Variants in CD96 observed in about 807,000 individuals in gnomAD.
CD96 encodes T-cell surface protein tactile.
A neutral mutation model predicts 71.3 loss-of-function variants in CD96; 70 were observed. That is an observed-to-expected ratio of 0.98 (90% CI 0.81 to 1.20). The LOEUF (loss-of-function observed/expected upper bound fraction) is 1.20, where lower values mean the gene tolerates loss of function less well. Ranked by LOEUF, CD96 falls within the 50% of genes most tolerant of loss-of-function variation. The pLI is 0.00. For missense variants in CD96, 742 were observed against 677.5 expected, an observed-to-expected ratio of 1.10 and a Z score of -1.06; for synonymous variants, 248 against 233.0, an observed-to-expected ratio of 1.06 and a Z score of -0.59.
chr3:111,646,166 A>T (rs2107782815), intron 12 of CD96, among the ~76,000 whole-genome samples: 1 of 152,280 alleles, frequency 6.6e-6, no homozygotes, highest in African/African-American at 2.4e-5. Context: ...TATCATGTAT[A>T]AGAAATTTCA....
At chr3:111,614,331 G>A (rs1374553642) in intron 8 of CD96, among the ~76,000 whole-genome samples, 1 of 152,128 alleles carries the variant, frequency 6.6e-6, no homozygotes, top group African/African-American at 2.4e-5. Flanking sequence ...ATGGGGAATG[G>A]CGTAAGAAGA....
intron 3 of CD96, chr3:111,571,115 G>T (rs918734474): frequency 1.4e-6 from 1 of 732,832 alleles, no homozygotes; most frequent in African/African-American, 1.8e-5. Flanking sequence ...CTGAATCCAG[G>T]GTTACAGCAC....
intron 5 of CD96, among the ~76,000 whole-genome samples, chr3:111,591,179 C>A (rs368738195): frequency 1.3e-5 from 2 of 152,028 alleles, no homozygotes; most frequent in African/African-American, 4.8e-5. Flanking sequence ...TCCAGACCAT[C>A]CTGGCCAACG....
chr3:111,645,455 A>C (rs545964962), intron 12 of CD96, among the ~76,000 whole-genome samples: 3 of 152,238 alleles, frequency 2.0e-5, no homozygotes, highest in Middle Eastern at 3.4e-3. Context: ...CCATAATCTC[A>C]CAAATCACCA....
chr3:111,553,648 T>C (rs763854258), intron 2 of CD96, among the ~76,000 whole-genome samples: 4 of 151,912 alleles, frequency 2.6e-5, no homozygotes, highest in Admixed American at 2.0e-4. Context: ...AACTTATTAT[T>C]TATTTGATGT....
chr3:111,572,391 A>T (rs995585549), intron 3 of CD96, among the ~76,000 whole-genome samples: 1 of 152,186 alleles, frequency 6.6e-6, no homozygotes. Flanking sequence ...TCAAAAACAA[A>T]CTGGTGCCAC....
intron 5 of CD96, among the ~76,000 whole-genome samples, chr3:111,587,323 G>C (rs905584932): frequency 2.0e-5 from 3 of 152,144 alleles, no homozygotes; most frequent in Non-Finnish European, 1.5e-5. Flanking sequence ...AGTGCAAGCT[G>C]TTGGTGGATC....
chr3:111,650,241 C>T lies in CD96; in HGVS notation c.*435C>T, dbSNP rs73230153. The T allele has an allele frequency of 0.092, 16,690 of 180,778 alleles. 1,083 individuals are homozygous for T. The highest frequency in any genetic ancestry group is 0.13 in the Non-Finnish European group (11,164 of 83,040). 11.2% of individuals were successfully genotyped at this position (180,778 alleles called of 1,614,324 possible). A position where few individuals can be genotyped will look rare whatever the true frequency, so the allele number is the denominator to read the frequency against. ...TTTGCTGCATTCCCTAAGATAATTACAGGAAAAAGAAAATGTAAAAGTGCT... is the reference window on the plus strand; with the variant it reads ...TTTGCTGCATTCCCTAAGATAATTATAGGAAAAAGAAAATGTAAAAGTGCT... On this transcript the variant is annotated 3_prime_UTR_variant, in exon 14 of 14. Coordinates refer to ENST00000352690, the MANE Select transcript of CD96 (RefSeq NM_005816.5).
intron 8 of CD96, among the ~76,000 whole-genome samples, chr3:111,619,055 C>T (rs1425644586): frequency 1.3e-5 from 2 of 152,146 alleles, no homozygotes; most frequent in Non-Finnish European, 2.9e-5. Context: ...TCTAGCCTTC[C>T]TCTACCTTTC....
intron 12 of CD96, among the ~76,000 whole-genome samples, chr3:111,641,245 C>T (rs892229228): frequency 2.6e-5 from 4 of 152,156 alleles, no homozygotes; most frequent in African/African-American, 4.8e-5. Context: ...TTGCTGCCTT[C>T]GGGAGACTCA....
At chr3:111,615,478 C>A (rs1681459133) in intron 8 of CD96, among the ~76,000 whole-genome samples, 1 of 152,182 alleles carries the variant, frequency 6.6e-6, no homozygotes, top group Non-Finnish European at 1.5e-5. Flanking sequence ...TAAGTGTCAA[C>A]ATGTTGTATT....
At chr3:111,554,326 G>A (rs2107495421) in intron 2 of CD96, among the ~76,000 whole-genome samples, 1 of 152,030 alleles carries the variant, frequency 6.6e-6, no homozygotes, top group Admixed American at 6.5e-5. Flanking sequence ...GTATTTTTAA[G>A]TTATTTGATC....
In CD96 at chr3:111,555,448, A is replaced by C. The variant is rs193242063; in HGVS notation, c.418+10046A>C. ...AATTCTTTCAGATTTTTTCATTTTT[A>C]ATTTTAAAGGATAATTTCAATGGAT... is the stretch of plus-strand genomic sequence containing the variant. On this transcript the variant is annotated intron_variant, in intron 2 of 13. Transcript: ENST00000352690. Among the ~76,000 whole-genome samples the C allele has an allele frequency of 2.6e-4, 39 of 152,394 alleles. No individual in the cohort carries two copies. In the East Asian group the frequency reaches 6.9e-3, roughly 27 times the overall value.
chr3:111,627,478 A>C (rs1273502270), intron 10 of CD96, among the ~76,000 whole-genome samples: 1 of 152,016 alleles, frequency 6.6e-6, no homozygotes, highest in Non-Finnish European at 1.5e-5. Flanking sequence ...AGCCCCACCC[A>C]TGTTCTATGG....
At chr3:111,578,831 G>A (rs1936338715) in intron 3 of CD96, among the ~76,000 whole-genome samples, 196 bp from the exon 4 acceptor site, 2 of 152,220 alleles carry the variant, frequency 1.3e-5, no homozygotes, top group South Asian at 4.1e-4. Context: ...TTTGTTAGGA[G>A]AGGGTAACAA....
intron 3 of CD96, among the ~76,000 whole-genome samples, chr3:111,575,800 A>G (rs1261602149): frequency 6.6e-6 from 1 of 152,224 alleles, no homozygotes; most frequent in Non-Finnish European, 1.5e-5. Context: ...AGCAGAAGAG[A>G]GAGAACTCAC....
chr3:111,665,179 G>GTGTGTGTGTGTGTGTA (rs1940452650), intron 14 of CD96, among the ~76,000 whole-genome samples: 1 of 151,886 alleles, frequency 6.6e-6, no homozygotes, highest in African/African-American at 2.4e-5. Context: ...ATAAGTGTGT[G>GTGTGTGTGTGTGTGTA]TGTGTGTGTG....
chr3:111,589,741 T>C (rs1164080872), intron 5 of CD96, among the ~76,000 whole-genome samples: 1 of 152,194 alleles, frequency 6.6e-6, no homozygotes, highest in East Asian at 1.9e-4. Context: ...GAGTCACTAA[T>C]AAGGGGCAGA....
intron 14 of CD96, among the ~76,000 whole-genome samples, chr3:111,661,739 G>A (rs936817163): frequency 1.8e-4 from 27 of 152,204 alleles, no homozygotes; most frequent in African/African-American, 5.3e-4. Flanking sequence ...GGAAAGCTCC[G>A]CCCCTGTGAT....
Sources: gnomAD v4.1 joint callset for allele counts (sites outside exome capture counted in the v4.1 genomes callset) on GRCh38, gnomAD v4.1.1 for gene constraint, MANE v1.5 for transcripts, NCBI Gene and HGNC (gene_info 2026-07-23, HGNC 2026-07-21) for gene names.